Variants in MYRFL observed in about 807,000 individuals in gnomAD.
The protein encoded by MYRFL is myelin regulatory factor like.
A neutral mutation model predicts 109.4 loss-of-function variants in MYRFL; 88 were observed. The ratio of observed to expected loss-of-function variants is 0.80; its 90% confidence interval spans 0.68 to 0.96. The LOEUF is 0.96. MYRFL is among the 40% of genes least tolerant of loss of function. The pLI is 0.00. For synonymous variants in MYRFL, 324 were observed against 320.9 expected, an observed-to-expected ratio of 1.01 and a Z score of -0.10; for missense variants, 957 against 954.9, an observed-to-expected ratio of 1.00 and a Z score of -0.03.
At chr12:69,880,455 T>C (rs1417962598) in intron 5 of MYRFL, among the ~76,000 whole-genome samples, 163 bp downstream of exon 5, 1 of 152,202 alleles carries the variant, frequency 6.6e-6, no homozygotes, top group African/African-American at 2.4e-5. Context: ...GTACCTTTCA[T>C]GCAGGCGGGG....
intron 5 of MYRFL, among the ~76,000 whole-genome samples, chr12:69,885,229 A>G (rs1456908995): frequency 6.6e-6 from 1 of 152,184 alleles, no homozygotes; most frequent in Non-Finnish European, 1.5e-5. Context: ...CAGTGTTTTG[A>G]GAAATCTTTC....
At chr12:69,835,138 C>A (rs1378536979) in intron 1 of MYRFL, among the ~76,000 whole-genome samples, 2 of 152,066 alleles carry the variant, frequency 1.3e-5, no homozygotes, top group African/African-American at 2.4e-5. Context: ...TTAAAAGAAC[C>A]GGTTCTTGTA....
At chr12:69,931,449 G>A (rs965440681) in intron 15 of MYRFL, among the ~76,000 whole-genome samples, 2 of 152,054 alleles carry the variant, frequency 1.3e-5, no homozygotes, top group Admixed American at 6.6e-5. Flanking sequence ...TGGTAAAAAT[G>A]GTATAGTGAA....
intron 1 of MYRFL, among the ~76,000 whole-genome samples, chr12:69,853,208 A>AG (rs1341934474): frequency 6.7e-6 from 1 of 149,700 alleles, no homozygotes; most frequent in Admixed American, 6.6e-5. Flanking sequence ...GCTGCCGGGC[A>AG]GGGGCTGCCC....
chr12:69,938,461 C>G (rs930149616), intron 19 of MYRFL, among the ~76,000 whole-genome samples: 1 of 152,126 alleles, frequency 6.6e-6, no homozygotes, highest in African/African-American at 2.4e-5. Context: ...CTGTTCACAT[C>G]AAGGGAATAT....
At position 69,891,033 on chromosome 12, in the gene MYRFL, C is replaced by G. The variant is rs1592764386; in HGVS notation, c.770C>G (p.Ala257Gly). 2.0e-6 allele frequency: 3 copies of G among 1,534,940 alleles called. No homozygotes were observed. Among genetic ancestry groups the G allele is most frequent in the Non-Finnish European group, 1.7e-6 (2 of 1,146,386 alleles). Residue 257 changes from alanine to glycine, a missense_variant, in exon 7 of 25, where the codon GCT becomes GGT. Physicochemically the swap from Ala to Gly is moderately conservative, Grantham distance 60. Transcript: ENST00000552032. Reference protein sequence around the residue: ...KGFNFSPADEAFVCQKKNHFQ... With the variant: ...KGFNFSPADEGFVCQKKNHFQ... ...TTTAATTTTTCACCAGCAGATGAAG[C>G]TTTTGTTTGCCAAAAGAAGAATCAT...
intron 12 of MYRFL, 63 bp downstream of exon 12, chr12:69,910,140 T>G: frequency 9.0e-7 from 1 of 1,111,562 alleles, no homozygotes; most frequent in Non-Finnish European, 1.3e-6. Context: ...AATTACCTCT[T>G]TATTTTGAGG....
At chr12:69,872,887 G>A (rs927885153) in intron 2 of MYRFL, among the ~76,000 whole-genome samples, 3 of 152,070 alleles carry the variant, frequency 2.0e-5, no homozygotes, top group East Asian at 3.9e-4. Flanking sequence ...CTGCCTCAGC[G>A]TCCCAAAGCA....
At chr12:69,903,069 A>G (rs1954241887) in intron 10 of MYRFL, among the ~76,000 whole-genome samples, 1 of 152,194 alleles carries the variant, frequency 6.6e-6, no homozygotes. Flanking sequence ...TCGCACAACA[A>G]ATGTAGCTGT....
chr12:69,833,974 A>G (rs960937050), intron 1 of MYRFL, among the ~76,000 whole-genome samples: 1 of 152,056 alleles, frequency 6.6e-6, no homozygotes, highest in Non-Finnish European at 1.5e-5. Flanking sequence ...TAAAAAGGTA[A>G]TGGTTTATGT....
chr12:69,889,016 G>A (rs1051052386), intron 6 of MYRFL, among the ~76,000 whole-genome samples: 3 of 152,206 alleles, frequency 2.0e-5, no homozygotes, highest in Admixed American at 1.3e-4. Context: ...TGATCCATTG[G>A]GAAGGTGCAA....
chr12:69,901,702 G>T (rs1469824568), intron 10 of MYRFL, among the ~76,000 whole-genome samples: 1 of 152,032 alleles, frequency 6.6e-6, no homozygotes, highest in Non-Finnish European at 1.5e-5. Flanking sequence ...TTAGTTGATT[G>T]GTTGCTATAA....
chr12:69,891,981 T>C (rs1886942188), intron 7 of MYRFL, among the ~76,000 whole-genome samples: 1 of 152,128 alleles, frequency 6.6e-6, no homozygotes, highest in Non-Finnish European at 1.5e-5. Flanking sequence ...CCAGCCAAGA[T>C]GTCGATTTCG....
intron 1 of MYRFL, among the ~76,000 whole-genome samples, chr12:69,846,664 C>G (rs1368815289): frequency 2.0e-5 from 3 of 152,058 alleles, no homozygotes; most frequent in Non-Finnish European, 2.9e-5. Flanking sequence ...ACATACGTGT[C>G]CATGTGTCTT....
intron 2 of MYRFL, among the ~76,000 whole-genome samples, chr12:69,871,769 T>G (rs1592732480): frequency 6.6e-6 from 1 of 152,184 alleles, no homozygotes; most frequent in Admixed American, 6.5e-5. Context: ...TTTTCATTTT[T>G]TTTTGCTTTG....
intron 2 of MYRFL, among the ~76,000 whole-genome samples, chr12:69,859,948 T>A (rs1342702152): frequency 6.6e-6 from 1 of 152,180 alleles, no homozygotes; most frequent in Non-Finnish European, 1.5e-5. Context: ...CTTCAACTTT[T>A]ATTTTAAGTT....
intron 13 of MYRFL, among the ~76,000 whole-genome samples, chr12:69,921,633 A>T (rs900497404): frequency 6.6e-6 from 1 of 152,242 alleles, no homozygotes; most frequent in East Asian, 1.9e-4. Context: ...ATGGATCCAT[A>T]AAGTCAGAGC....
chr12:69,872,466 G>C (rs906393660), intron 2 of MYRFL, among the ~76,000 whole-genome samples: 5 of 151,744 alleles, frequency 3.3e-5, no homozygotes, highest in African/African-American at 9.7e-5. Flanking sequence ...TGGGACTATA[G>C]GTGTGCACAA....
chr12:69,871,861 A>G (rs371621476), intron 2 of MYRFL, among the ~76,000 whole-genome samples: 375 of 152,210 alleles, frequency 2.5e-3, no homozygotes, highest in African/African-American at 7.9e-3. Flanking sequence ...ATTTTTCTCA[A>G]TGTTAAAAAT....
Sources: gnomAD v4.1 joint callset for allele counts (sites outside exome capture counted in the v4.1 genomes callset) on GRCh38, gnomAD v4.1.1 for gene constraint, MANE v1.5 for transcripts, NCBI Gene and HGNC (gene_info 2026-07-23, HGNC 2026-07-21) for gene names.